EFHC2: variants seen among roughly 807,000 people sequenced by gnomAD.
EFHC2 encodes the protein EF-hand domain containing 2.
EFHC2 carries 18 observed loss-of-function variants against 52.7 expected under a neutral mutation model. The observed-to-expected ratio is 0.34, with a 90% confidence interval of 0.24 to 0.51. The LOEUF is 0.51. Among genes scored for constraint, EFHC2 ranks in the 20% least tolerant of loss-of-function variants. The pLI is 0.97. For missense variants in EFHC2, 513 were observed against 562.5 expected, an observed-to-expected ratio of 0.91 and a Z score of 0.89; for synonymous variants, 203 against 204.1, an observed-to-expected ratio of 0.99 and a Z score of 0.04.
rs1000150321 is a variant in EFHC2 at position 44,167,492 on chromosome X, T to G, written c.2043-3465A>C. On this transcript the variant is annotated intron_variant, in intron 13 of 14. Transcript: ENST00000420999. ...TTCCTGCCCAGTTCATATGTCAGAC[T>G]CAAAACATTGAACCATTTATCCATT... 8.0e-5 allele frequency among the ~76,000 whole-genome samples: 9 copies of G among 112,563 alleles called. 1 individual carries two copies. The highest frequency in any genetic ancestry group is 1.7e-4 in the Non-Finnish European group (9 of 53,339).
intron 2 of EFHC2, among the ~76,000 whole-genome samples, chrX:44,282,661 A>G (rs1260083114): frequency 4.9e-4 from 12 of 24,553 alleles, no homozygotes; most frequent in Non-Finnish European, 5.4e-4. Context: ...GGGGTGGGAG[A>G]GGAGGACAAA....
At chrX:44,292,478 TCAGAAAGCAAAGGTGTCACTATCTCAGC>T (rs2037799479) in intron 2 of EFHC2, among the ~76,000 whole-genome samples, 1 of 112,049 alleles carries the variant, frequency 8.9e-6, no homozygotes, top group Admixed American at 9.5e-5. Flanking sequence ...CATTGAACCA[TCAGAAAGCAAAGGTGTCACTATCTCAGC>T]CACTCATATG....
Position 44,213,386 on chromosome X carries a change from G to A in EFHC2, c.1751+16263C>T, listed in dbSNP as rs778582345. ...GCCAAATATGAGTGACCAGTGGCCC[G>A]TGACACAGCCCCCAGGAGATCCTGA... On this transcript the variant is annotated intron_variant, in intron 11 of 14. Coordinates refer to ENST00000420999, the MANE Select transcript of EFHC2 (RefSeq NM_025184.4). Among the ~76,000 whole-genome samples, 26 of 111,549 alleles carry A rather than the reference G, an allele frequency of 2.3e-4. No individual in the cohort carries two copies. The South Asian group carries it at 3.4e-3, about 15-fold the overall frequency.
At chrX:44,306,621 T>C (rs1429103452) in intron 2 of EFHC2, among the ~76,000 whole-genome samples, 1 of 111,985 alleles carries the variant, frequency 8.9e-6, no homozygotes, top group Non-Finnish European at 1.9e-5. Flanking sequence ...GCAGGGGCCA[T>C]GCGGGATAAC....
chrX:44,298,502 G>A (rs1162777298), intron 2 of EFHC2, among the ~76,000 whole-genome samples: 2 of 111,444 alleles, frequency 1.8e-5, no homozygotes, highest in Non-Finnish European at 3.8e-5. Context: ...ACGTCTAGAC[G>A]GTGTCTGGGG....
chrX:44,301,464 G>A (rs2037868795), intron 2 of EFHC2, among the ~76,000 whole-genome samples: 1 of 111,939 alleles, frequency 8.9e-6, no homozygotes, highest in South Asian at 3.7e-4. Context: ...CCCCTATCTT[G>A]ATAAATGGGC....
At chrX:44,232,773 A>G in intron 9 of EFHC2, 96 bp from the exon 10 acceptor site, 1 of 780,910 alleles carries the variant, frequency 1.3e-6, no homozygotes, top group Admixed American at 3.6e-5. Context: ...ACAGACCACC[A>G]TATAAGTTAC....
At chrX:44,229,922 G>C (rs1474403258) in intron 10 of EFHC2, 143 bp from the exon 11 acceptor site, 1 of 566,905 alleles carries the variant, frequency 1.8e-6, no homozygotes, top group East Asian at 3.5e-5. Flanking sequence ...CCAACACCGA[G>C]AAGGCATGAC....
chrX:44,225,901 T>C (rs936805728), intron 11 of EFHC2: 1 of 111,804 alleles, frequency 8.9e-6, no homozygotes, highest in African/African-American at 3.3e-5. Context: ...AGCTTTAGAC[T>C]GAACGTTCCT....
intron 11 of EFHC2, among the ~76,000 whole-genome samples, chrX:44,224,211 T>C (rs1186747984): frequency 8.9e-6 from 1 of 112,390 alleles, no homozygotes. Context: ...ATTGAAATAC[T>C]GGAAACAAGA....
intron 3 of EFHC2, among the ~76,000 whole-genome samples, chrX:44,263,797 C>T: frequency 8.9e-6 from 1 of 111,858 alleles, no homozygotes; most frequent in Non-Finnish European, 1.9e-5. Flanking sequence ...ATTCAACAGT[C>T]AGGAGCTTCT....
rs200032967 is a variant in EFHC2 at position 44,239,964 on chromosome X, T to C, written c.1280+2157A>G. ...TATATCCATCAAAAGCTCATATGCTTTAATCTGAAACTATTCCCTCCAATG... is the reference window on the plus strand; with the variant it reads ...TATATCCATCAAAAGCTCATATGCTCTAATCTGAAACTATTCCCTCCAATG... On this transcript the variant is annotated intron_variant, in intron 8 of 14. Transcript: ENST00000420999. Among the ~76,000 whole-genome samples, 3 of 111,710 alleles carry C rather than the reference T, an allele frequency of 2.7e-5. No homozygotes were observed. The East Asian group carries it at 8.5e-4, about 32-fold the overall frequency.
chrX:44,328,124 G>A (rs1255536760), intron 1 of EFHC2, among the ~76,000 whole-genome samples: 2 of 111,576 alleles, frequency 1.8e-5, no homozygotes, highest in African/African-American at 6.5e-5. Flanking sequence ...TAGCTGATTC[G>A]TGCAGCCATT....
chrX:44,259,426 T>C (rs930770603), intron 4 of EFHC2, among the ~76,000 whole-genome samples: 1 of 111,244 alleles, frequency 9.0e-6, no homozygotes, highest in African/African-American at 3.3e-5. Flanking sequence ...AGGGACAGCA[T>C]TAGGAGAAAT....
At chrX:44,331,140 T>A (rs1289984834) in intron 1 of EFHC2, among the ~76,000 whole-genome samples, 2 of 112,034 alleles carry the variant, frequency 1.8e-5, no homozygotes, top group African/African-American at 6.5e-5. Context: ...CCAATGTCCT[T>A]CCAAAGGCAA....
intron 1 of EFHC2, among the ~76,000 whole-genome samples, chrX:44,329,017 G>A (rs1299051758): frequency 9.0e-6 from 1 of 111,290 alleles, no homozygotes; most frequent in Non-Finnish European, 1.9e-5. Flanking sequence ...CTTTGTTTGT[G>A]CATTTTGTCC....
intron 11 of EFHC2, among the ~76,000 whole-genome samples, chrX:44,208,837 C>G (rs5953344): frequency 0.3 from 33,662 of 110,723 alleles, 4,058 homozygotes; most frequent in African/African-American, 0.45. Flanking sequence ...TATCATGATG[C>G]TATAGTAATA....
chrX:44,311,666 A>ATGTGTG (rs1028920727), intron 2 of EFHC2, among the ~76,000 whole-genome samples: 1 of 111,954 alleles, frequency 8.9e-6, no homozygotes, highest in East Asian at 2.8e-4. Context: ...CCATATGTAT[A>ATGTGTG]TGTGTGTGTA....
chrX:44,200,191 G>A (rs1004906609), intron 11 of EFHC2, among the ~76,000 whole-genome samples: 3 of 111,609 alleles, frequency 2.7e-5, no homozygotes, highest in African/African-American at 9.8e-5. Flanking sequence ...TCTACAATTA[G>A]TTCAAAATAA....
Sources: allele counts gnomAD v4.1 joint callset (sites outside exome capture counted in the v4.1 genomes callset), GRCh38; gene constraint gnomAD v4.1.1; transcripts MANE v1.5; gene names NCBI Gene and HGNC (gene_info 2026-07-23, HGNC 2026-07-21).